PPM1A: variants seen among roughly 807,000 people sequenced by gnomAD.
PPM1A encodes the protein protein phosphatase, Mg2+/Mn2+ dependent 1A.
Under a neutral mutation model 35.0 loss-of-function variants are expected in PPM1A, and 7 were observed. The observed-to-expected ratio is 0.20, with a 90% confidence interval of 0.11 to 0.38. The LOEUF (loss-of-function observed/expected upper bound fraction) is 0.38, where lower values mean the gene tolerates loss of function less well. PPM1A is among the 10% of genes least tolerant of loss of function. The probability of loss-of-function intolerance (pLI) is 1.00; values close to 1 mark genes in which losing one functional copy is unlikely to be tolerated. For synonymous variants in PPM1A, 153 were observed against 167.3 expected (o/e 0.91, Z 0.66); for missense variants, 239 against 467.8 (o/e 0.51, Z 4.51).
At chr14:60,255,159 G>GTTTTTTTTTTT (rs869066455) in intron 1 of PPM1A, among the ~76,000 whole-genome samples, 1 of 100,862 alleles carries the variant, frequency 9.9e-6, no homozygotes. Context: ...TCTATCATAT[G>GTTTTTTTTTTT]TTTTTTTTTT....
intron 1 of PPM1A, among the ~76,000 whole-genome samples, chr14:60,252,358 C>G (rs1027852855): frequency 6.6e-6 from 1 of 152,196 alleles, no homozygotes; most frequent in Non-Finnish European, 1.5e-5. Context: ...TTATCTAACT[C>G]TTGCCTGGGC....
At chr14:60,251,314 A>C (rs1409484454) in intron 1 of PPM1A, among the ~76,000 whole-genome samples, 1 of 152,256 alleles carries the variant, frequency 6.6e-6, no homozygotes, top group Non-Finnish European at 1.5e-5. Context: ...TAATGTTTGA[A>C]GTTAACTACC....
chr14:60,252,826 T>C (rs753282359), intron 1 of PPM1A, among the ~76,000 whole-genome samples: 2 of 152,176 alleles, frequency 1.3e-5, no homozygotes, highest in Non-Finnish European at 2.9e-5. Flanking sequence ...TATACTTCAT[T>C]CTGAGTCTCC....
At chr14:60,279,761 G>GT (rs1886174129) in intron 1 of PPM1A, among the ~76,000 whole-genome samples, 2 of 152,120 alleles carry the variant, frequency 1.3e-5, no homozygotes, top group South Asian at 4.1e-4. Context: ...CTAATGAAGT[G>GT]TTTAAAGTGT....
intron 1 of PPM1A, chr14:60,277,136 G>A (rs1488934947): frequency 1.3e-5 from 11 of 815,404 alleles, no homozygotes; most frequent in Non-Finnish European, 1.8e-5. Flanking sequence ...AAACTTTCAT[G>A]GACAAATTGA....
intron 4 of PPM1A, among the ~76,000 whole-genome samples, chr14:60,290,869 A>T (rs1887566210): frequency 6.6e-6 from 1 of 152,168 alleles, no homozygotes; most frequent in African/African-American, 2.4e-5. Context: ...ACTTATAAAT[A>T]TACTACAGAT....
rs1888005147 is a variant in PPM1A, at chr14:60,295,701, C to T, written c.*3219C>T. On this transcript the variant is annotated 3_prime_UTR_variant, in exon 6 of 6. Coordinates refer to ENST00000395076, the MANE Select transcript of PPM1A (RefSeq NM_021003.5). ...GAGTAGATCCTTGGCTTCAAGTTTACATCTGGACAATTTATAATCTAGTGT... is the reference window on the plus strand; with the variant it reads ...GAGTAGATCCTTGGCTTCAAGTTTATATCTGGACAATTTATAATCTAGTGT... 1 of 151,538 alleles carries T rather than the reference C, an allele frequency of 6.6e-6. No individual in the cohort carries two copies. The highest frequency in any genetic ancestry group is 2.4e-5 in the African/African-American group (1 of 41,356). 9.4% of individuals were successfully genotyped at this position (151,538 alleles called of 1,614,324 possible). A position where few individuals can be genotyped will look rare whatever the true frequency, so the allele number is the denominator to read the frequency against.
Position 60,270,072 on chromosome 14 carries a change from A to T in PPM1A, c.-20-12612A>T, listed in dbSNP as rs1010835853. ...TACAATGTGCTAATTGAGCTGTTGG[A>T]TCTGCATTGTTTGTATCTTTTCTCA... On this transcript the variant is annotated intron_variant, in intron 1 of 5. Transcript: ENST00000395076. 2.0e-5 allele frequency among the ~76,000 whole-genome samples: 3 copies of T among 152,136 alleles called. No individual in the cohort carries two copies. The East Asian group carries it at 5.8e-4, about 29-fold the overall frequency.
At position 60,295,317 on chromosome 14, in the gene PPM1A, C is replaced by T. The variant is rs1485127428; in HGVS notation, c.*2835C>T. The T allele has an allele frequency of 2.6e-5, 4 of 151,550 alleles. No homozygotes were observed. Among genetic ancestry groups the T allele is most frequent in the African/African-American group, 9.7e-5 (4 of 41,328 alleles). 9.4% of individuals were successfully genotyped at this position (151,550 alleles called of 1,614,324 possible). A position where few individuals can be genotyped will look rare whatever the true frequency, so the allele number is the denominator to read the frequency against. ...TTTCTTGGGAATATACTTTTATAGA[C>T]AATAGAAGCAGTTCTCAATATTAGC... On this transcript the variant is annotated 3_prime_UTR_variant, in exon 6 of 6. Transcript: ENST00000395076.
intron 1 of PPM1A, chr14:60,256,885 G>T (rs1883197272): frequency 6.6e-6 from 1 of 152,188 alleles, no homozygotes; most frequent in East Asian, 1.9e-4. Flanking sequence ...CTTGGCCATT[G>T]TGATGGGTCA....
chr14:60,280,428 T>C lies in PPM1A; in HGVS notation c.-20-2256T>C, dbSNP rs147341409. On this transcript the variant is annotated intron_variant, in intron 1 of 5. Coordinates refer to ENST00000395076, the MANE Select transcript of PPM1A (RefSeq NM_021003.5). ...CATTGGTCTAATTTCATAACTTATTTTCTTTAGTACTTCATGCTATTGGTG... is the reference window on the plus strand; with the variant it reads ...CATTGGTCTAATTTCATAACTTATTCTCTTTAGTACTTCATGCTATTGGTG... Among the ~76,000 whole-genome samples the C allele has an allele frequency of 1.9e-4, 29 of 152,348 alleles. No individual in the cohort carries two copies. In the East Asian group the frequency reaches 5.2e-3, roughly 27 times the overall value.
chr14:60,268,891 T>A (rs750831738), intron 1 of PPM1A, among the ~76,000 whole-genome samples: 15 of 151,972 alleles, frequency 9.9e-5, no homozygotes, highest in Non-Finnish European at 2.1e-4. Flanking sequence ...ACATTATCAA[T>A]ATCTACTATT....
chr14:60,274,939 C>T (rs1410585677), intron 1 of PPM1A, among the ~76,000 whole-genome samples: 1 of 151,582 alleles, frequency 6.6e-6, no homozygotes, highest in African/African-American at 2.4e-5. Context: ...TTTCTCTGTT[C>T]ATTTTTACAC....
At chr14:60,265,497 C>G (rs984953567) in intron 1 of PPM1A, among the ~76,000 whole-genome samples, 1 of 152,044 alleles carries the variant, frequency 6.6e-6, no homozygotes, top group Non-Finnish European at 1.5e-5. Context: ...GTGGCTTGGT[C>G]TTTTTTAATA....
upstream of PPM1A, among the ~76,000 whole-genome samples, chr14:60,248,993 G>A (rs1001118624): frequency 6.6e-6 from 1 of 152,168 alleles, no homozygotes; most frequent in African/African-American, 2.4e-5. Context: ...CAAAGGCGGC[G>A]GCAGCAGCAG....
At chr14:60,277,093 T>C in intron 1 of PPM1A, 1 of 1,148,584 alleles carries the variant, frequency 8.7e-7, no homozygotes, top group Non-Finnish European at 1.1e-6. Context: ...TATGACTAGG[T>C]GAGAACTAAA....
upstream of PPM1A, chr14:60,246,019 A>T: frequency 6.3e-7 from 1 of 1,580,490 alleles, no homozygotes; most frequent in Non-Finnish European, 8.6e-7. Flanking sequence ...AATGAAGAGG[A>T]TGTGTGAGAG....
intron 1 of PPM1A, among the ~76,000 whole-genome samples, chr14:60,265,350 A>G (rs976596067): frequency 2.0e-5 from 3 of 152,142 alleles, no homozygotes; most frequent in East Asian, 1.9e-4. Context: ...CCTGAGTTCT[A>G]TCCCAGCCAT....
intron 1 of PPM1A, among the ~76,000 whole-genome samples, chr14:60,262,318 AGTATTT>A (rs1392826367): frequency 1.2e-4 from 18 of 152,200 alleles, no homozygotes; most frequent in African/African-American, 4.1e-4. Flanking sequence ...TTATTAGAGG[AGTATTT>A]AAACATAGAA....
Sources: allele counts gnomAD v4.1 joint callset (sites outside exome capture counted in the v4.1 genomes callset), GRCh38; gene constraint gnomAD v4.1.1; transcripts MANE v1.5; gene names NCBI Gene and HGNC (gene_info 2026-07-23, HGNC 2026-07-21).